HMCN2: variants seen among roughly 807,000 people sequenced by gnomAD.
HMCN2 encodes hemicentin 2, also known as hemicentin-2.
HMCN2 carries 325 observed loss-of-function variants against 377.5 expected under a neutral mutation model. The observed-to-expected ratio is 0.86, with a 90% CI of 0.79 to 0.94. The LOEUF is 0.94. Ranked by LOEUF, HMCN2 falls within the 40% of genes least tolerant of loss-of-function variation. HMCN2 has a pLI of 0.00. For synonymous variants in HMCN2, 2,007 were observed against 2,046.8 expected, an observed-to-expected ratio of 0.98 and a Z score of 0.53; for missense variants, 4,543 against 4,725.3, an observed-to-expected ratio of 0.96 and a Z score of 1.13.
rs1440562193 is a variant in HMCN2 at position 130,407,669 on chromosome 9, G to A, written c.12652G>A (p.Gly4218Ser). ...TYVCWAENRV[G>S]RTQAVSFVHV... ...TGTCTGCTGGGCGGAGAACAGAGTG[G>A]GCCGCACGCAGGCGGTCAGCTTCGT... The change falls in exon 83 of 98, where the codon GGC becomes AGC. Residue 4218 changes from glycine (G) to serine (S), a missense_variant. Coordinates refer to ENST00000683500, the MANE Select transcript of HMCN2 (RefSeq NM_001291815.2). 3.2e-6 allele frequency: 4 copies of A among 1,266,314 alleles called. No individual in the cohort carries two copies. The South Asian group carries it at 5.0e-5, about 16-fold the overall frequency. 78.4% of individuals were successfully genotyped at this position (1,266,314 alleles called of 1,614,324 possible). A position where few individuals can be genotyped will look rare whatever the true frequency, so the allele number is the denominator to read the frequency against.
chr9:130,358,243 C>A, intron 35 of HMCN2, 147 bp from the exon 36 acceptor site: 1 of 932,330 alleles, frequency 1.1e-6, no homozygotes, highest in Non-Finnish European at 1.5e-6. Context: ...AATCCAAGTG[C>A]TTGGCTCATA....
chr9:130,392,819 A>AC (rs1564848140), intron 66 of HMCN2, among the ~76,000 whole-genome samples: 4 of 151,772 alleles, frequency 2.6e-5, no homozygotes, highest in South Asian at 2.1e-4. Context: ...ACACGGTGAA[A>AC]CCCCGTCTCT....
In HMCN2 at chr9:130,400,829, G is replaced by C; in HGVS notation, c.11652G>C (p.Met3884Ile). ...ACCAGACAGACTTCACCGTGACCAT[G>C]ATGGCACCTGTGGTCCTCACATGTC... ...ADDQTDFTVTMMAPVVLTCHS... is the reference protein window; with the variant it reads ...ADDQTDFTVTIMAPVVLTCHS... The change falls in exon 77 of 98, where the codon ATG (methionine) becomes ATC (isoleucine). Residue 3884 changes from methionine to isoleucine, a missense_variant. Transcript: ENST00000683500. The C allele has an allele frequency of 7.8e-7, 1 of 1,289,474 alleles. No individual in the cohort carries two copies. The highest frequency in any genetic ancestry group is 1.2e-5 in the South Asian group (1 of 80,966). 79.9% of individuals were successfully genotyped at this position (1,289,474 alleles called of 1,614,324 possible).
At position 130,396,309 on chromosome 9, in the gene HMCN2, C is replaced by G; in HGVS notation, c.11194C>G (p.Pro3732Ala). 1 of 1,268,900 alleles carries G rather than the reference C, an allele frequency of 7.9e-7. No individual in the cohort carries two copies. The highest frequency in any genetic ancestry group is 1.0e-6 in the Non-Finnish European group (1 of 971,760). 78.6% of individuals were successfully genotyped at this position (1,268,900 alleles called of 1,614,324 possible). ...CAGGGTCCCCCTGGATCCCAGGAGC[C>G]CCAGGTGGGAGAGGGAAGGGGTGGG... ...KDRVPLDPRS[P>A]RFEILPEGSL... The change falls in exon 73 of 98, where the codon CCC (proline) becomes GCC (alanine). Residue 3732 changes from proline to alanine, a missense_variant. By Grantham distance (27) the Pro-to-Ala change is conservative. This residue lies in a region of HMCN2 where 1,073 missense variants were observed against 1,319.5 expected (regional missense o/e 0.81). Transcript: ENST00000683500.
At chr9:130,328,690 C>T (rs1838271480) in intron 22 of HMCN2, among the ~76,000 whole-genome samples, 2 of 152,110 alleles carry the variant, frequency 1.3e-5, no homozygotes, top group East Asian at 1.9e-4. Context: ...CCTGGAGTTC[C>T]GCAGACCCGG....
chr9:130,292,637 T>C (rs1422555428), intron 4 of HMCN2, among the ~76,000 whole-genome samples: 2 of 152,236 alleles, frequency 1.3e-5, no homozygotes, highest in Non-Finnish European at 2.9e-5. Context: ...ACATGGATTA[T>C]ATTATTCAAT....
In HMCN2 at chr9:130,328,684, G is replaced by T. The variant is rs887103049; in HGVS notation, c.3359+1209G>T. On this transcript the variant is annotated intron_variant, in intron 22 of 97. Transcript: ENST00000683500. ...GGTGGGGTTAAGTGCTCAGGCCCTG[G>T]AGTTCCGCAGACCCGGTGCCGAACT... Among the ~76,000 whole-genome samples, 18 of 152,288 alleles carry T rather than the reference G, an allele frequency of 1.2e-4. No homozygotes were observed. In the East Asian group the frequency reaches 3.5e-3, roughly 29 times the overall value.
At chr9:130,372,480 TC>T in intron 47 of HMCN2, 73 bp downstream of exon 47, 1 of 434,566 alleles carries the variant, frequency 2.3e-6, no homozygotes, top group Non-Finnish European at 3.1e-6. Flanking sequence ...CAGAGGCAGG[TC>T]CCCAGACTCA....
At chr9:130,335,649 C>T (rs1838704824) in intron 22 of HMCN2, among the ~76,000 whole-genome samples, 1 of 152,070 alleles carries the variant, frequency 6.6e-6, no homozygotes, top group African/African-American at 2.4e-5. Flanking sequence ...TCCTGGGCAC[C>T]TCAGGCTTTG....
intron 30 of HMCN2, 36 bp from the exon 31 acceptor site, chr9:130,352,891 G>T (rs1010884397): frequency 8.1e-7 from 1 of 1,228,606 alleles, no homozygotes; most frequent in African/African-American, 1.6e-5. Flanking sequence ...GGCCTCAGCG[G>T]CTGCCTGTGA....
At chr9:130,373,589 ATGGGTGGGTGGGTGGG>A (rs1564827871) in intron 48 of HMCN2, among the ~76,000 whole-genome samples, 7 of 38,482 alleles carry the variant, frequency 1.8e-4, no homozygotes, top group Middle Eastern at 0.013. Context: ...GGATGGATGG[ATGGGTGGGTGGGTGGG>A]TGGATGGATG....
chr9:130,432,621 C>T, intron 97 of HMCN2, 66 bp downstream of exon 97: 1 of 1,486,380 alleles, frequency 6.7e-7, no homozygotes, highest in Non-Finnish European at 9.1e-7. Flanking sequence ...ACTGGGGGTG[C>T]AGGCTGGCCC....
chr9:130,365,864 G>C lies in HMCN2; in HGVS notation c.6506-12G>C. ...CCCCACCCCCACTAACTCTCTCTCT[G>C]CTCTGACTCAGTTGCTCCAGTGTTC... On this transcript the variant is annotated splice_polypyrimidine_tract_variant and intron_variant, in intron 42 of 97. Transcript: ENST00000683500. The C allele has an allele frequency of 1.0e-6, 1 of 985,446 alleles. No individual in the cohort carries two copies. The highest frequency in any genetic ancestry group is 1.7e-5 in the African/African-American group (1 of 57,236). 61.0% of individuals were successfully genotyped at this position (985,446 alleles called of 1,614,324 possible). A position where few individuals can be genotyped will look rare whatever the true frequency, so the allele number is the denominator to read the frequency against.
At position 130,400,962 on chromosome 9, in the gene HMCN2, G is replaced by C; in HGVS notation, c.11770+15G>C. On this transcript the variant is annotated intron_variant, in intron 77 of 97. Transcript: ENST00000683500. ...CTCACCATCGGGTAAGTAAGGGTAA[G>C]CCACAGAGAGAGGCAGCTGAGGGGA... The C allele has an allele frequency of 7.8e-7, 1 of 1,280,040 alleles. No individual in the cohort carries two copies. The highest frequency in any genetic ancestry group is 1.0e-6 in the Non-Finnish European group (1 of 984,266). The allele number at this position is 1,280,040 out of a possible 1,614,324, so 79.3% of individuals were successfully genotyped here. A position where few individuals can be genotyped will look rare whatever the true frequency, so the allele number is the denominator to read the frequency against.
chr9:130,266,350 C>T (rs1721150806), intron 1 of HMCN2, among the ~76,000 whole-genome samples: 1 of 152,216 alleles, frequency 6.6e-6, no homozygotes, highest in African/African-American at 2.4e-5. Context: ...GGAACATTCC[C>T]TCGCTCAAGG....
chr9:130,405,556 T>TGGG, intron 81 of HMCN2, among the ~76,000 whole-genome samples: 1 of 152,234 alleles, frequency 6.6e-6, no homozygotes, highest in African/African-American at 2.4e-5. Context: ...CCAGGGAGCC[T>TGGG]GGGGGTGCAG....
At chr9:130,320,950 A>G (rs1239843910) in intron 18 of HMCN2, 47 bp downstream of exon 18, 1 of 152,164 alleles carries the variant, frequency 6.6e-6, no homozygotes, top group Admixed American at 6.5e-5. Context: ...GCACCTGGGG[A>G]AGAAGGAGGC....
In HMCN2 at chr9:130,351,051, C is replaced by A. The variant is rs1478057408; in HGVS notation, c.4431-372C>A. Among the ~76,000 whole-genome samples, 1 of 152,208 alleles carries A rather than the reference C, an allele frequency of 6.6e-6. No individual in the cohort carries two copies. Among genetic ancestry groups the A allele is most frequent in the Non-Finnish European group, 1.5e-5 (1 of 68,034 alleles). ...CCAGTCGCTGTCCCCTTCTCCCCAGCCCCTGGCAACCACAAGCCTGCTTTC... is the reference window on the plus strand; with the variant it reads ...CCAGTCGCTGTCCCCTTCTCCCCAGACCCTGGCAACCACAAGCCTGCTTTC... On this transcript the variant is annotated intron_variant, in intron 29 of 97. Transcript: ENST00000683500. This position sits in a 1 kb window ranked among gnomAD's most constrained non-coding sequence, Gnocchi z 5.4.
rs145903836 is a variant in HMCN2 at position 130,299,055 on chromosome 9, C to G, written c.1043C>G (p.Thr348Arg). 4.2e-6 allele frequency: 2 copies of G among 470,692 alleles called. No homozygotes were observed. The highest frequency in any genetic ancestry group is 4.0e-5 in the African/African-American group (2 of 50,038). The allele number at this position is 470,692 out of a possible 1,614,324, so 29.2% of individuals were successfully genotyped here. A position where few individuals can be genotyped will look rare whatever the true frequency, so the allele number is the denominator to read the frequency against. ...CCCATCTCCCTGGTGATCAATTCCA[C>G]GGGCCTGAAGGCACCCGGCCGCCTA... ...GVPISLVINSTGLKAPGRLDS... is the reference protein window; with the variant it reads ...GVPISLVINSRGLKAPGRLDS... Residue 348 changes from threonine to arginine, a missense_variant, in exon 8 of 98, where the codon ACG becomes AGG. Thr to Arg is a moderately conservative substitution (Grantham distance 71). Transcript: ENST00000683500.
Sources: gnomAD v4.1 joint callset for allele counts (sites outside exome capture counted in the v4.1 genomes callset) on GRCh38, gnomAD v4.1.1 for gene constraint, gnomAD v4.1.1 regional missense constraint, Gnocchi (gnomAD v3.1) non-coding constraint, MANE v1.5 for transcripts, NCBI Gene and HGNC (gene_info 2026-07-23, HGNC 2026-07-21) for gene names.